OCIAD1: variants seen among roughly 807,000 people sequenced by gnomAD.
OCIAD1 encodes OCIA domain containing 1.
A neutral mutation model predicts 38.9 loss-of-function variants in OCIAD1; 29 were observed. That is an observed-to-expected ratio of 0.74 (90% CI 0.55 to 1.02). OCIAD1 has a LOEUF of 1.02. Among genes scored for constraint, OCIAD1 ranks in the 50% least tolerant of loss-of-function variants. The pLI is 0.00. For synonymous variants in OCIAD1, 110 were observed against 92.0 expected (o/e 1.20, Z -1.12); for missense variants, 288 against 289.6 (o/e 0.99, Z 0.04).
chr4:48,844,495 A>G (rs1778810652), intron 4 of OCIAD1, among the ~76,000 whole-genome samples: 4 of 152,148 alleles, frequency 2.6e-5, no homozygotes, highest in Admixed American at 1.3e-4. Flanking sequence ...GCGTGCCTGT[A>G]GTCCCAGCTA....
At chr4:48,834,057 G>C (rs1337962105) in intron 3 of OCIAD1, among the ~76,000 whole-genome samples, 1 of 152,072 alleles carries the variant, frequency 6.6e-6, no homozygotes, top group Non-Finnish European at 1.5e-5. Flanking sequence ...TAAATACAGA[G>C]ATTGTTGGAA....
rs377667512 is a variant in OCIAD1 at position 48,851,840 on chromosome 4, G to T, written c.412G>T (p.Val138Leu). Residue 138 changes from valine (V) to leucine (L), a missense_variant, in exon 7 of 9, where the codon GTG (valine) becomes TTG (leucine). By Grantham distance (32) the Val-to-Leu change is conservative (BLOSUM62 1). Transcript: ENST00000264312. ...TCAAAAGTCAAAATATGACTCAAGT[G>T]TGAGTGGTCAATCATCTTTTGTGAC... ...YYQKSKYDSSVSGQSSFVTSP... is the reference protein window; with the variant it reads ...YYQKSKYDSSLSGQSSFVTSP... 1 of 1,612,890 alleles carries T rather than the reference G, an allele frequency of 6.2e-7. No homozygotes were observed. The highest frequency in any genetic ancestry group is 1.3e-5 in the African/African-American group (1 of 74,880).
rs576081813 is a variant in OCIAD1 at position 48,819,716 on chromosome 4, C to CAAAAAAAAAAAAAAAAAAAAAAA, written c.-102-10855_-102-10833dup. Among the ~76,000 whole-genome samples the CAAAAAAAAAAAAAAAAAAAAAAA allele has an allele frequency of 1.9e-4, 2 of 10,446 alleles. 1 individual carries two copies. Among genetic ancestry groups the CAAAAAAAAAAAAAAAAAAAAAAA allele is most frequent in the East Asian group, 5.0e-3 (2 of 402 alleles). The allele number at this position is 10,446 out of a possible 152,430, so 6.9% of individuals were successfully genotyped here. A position where few individuals can be genotyped will look rare whatever the true frequency, so the allele number is the denominator to read the frequency against. On this transcript the variant is annotated intron_variant, in intron 1 of 6. Transcript: ENST00000504654. ...GAGACGGAGGAATATTTACCAAGCG[C>CAAAAAAAAAAAAAAAAAAAAAAA]AAAAAAAAAAAAAAAAAAAAAAAAA...
At chr4:48,854,541 C>G (rs999516333) in intron 7 of OCIAD1, among the ~76,000 whole-genome samples, 3 of 152,208 alleles carry the variant, frequency 2.0e-5, no homozygotes, top group African/African-American at 7.2e-5. Flanking sequence ...CCACCATTTG[C>G]ATTAGGAAAT....
chr4:48,822,152 A>T (rs150307337), intron 1 of OCIAD1, among the ~76,000 whole-genome samples: 3,243 of 152,340 alleles, frequency 0.021, 39 homozygotes, highest in Middle Eastern at 0.037. Context: ...CTATACTACA[A>T]GGCTACAGTA....
At chr4:48,826,064 C>G (rs1324565411) in intron 1 of OCIAD1, among the ~76,000 whole-genome samples, 1 of 152,102 alleles carries the variant, frequency 6.6e-6, no homozygotes, top group Non-Finnish European at 1.5e-5. Flanking sequence ...TCTTGAACTC[C>G]TGACATCAAG....
intron 5 of OCIAD1, among the ~76,000 whole-genome samples, chr4:48,849,257 C>G: frequency 6.6e-6 from 1 of 151,790 alleles, no homozygotes; most frequent in Non-Finnish European, 1.5e-5. Context: ...AACAAACCTG[C>G]ACATTATGCA....
chr4:48,857,889 C>G (rs975731153), intron 8 of OCIAD1, among the ~76,000 whole-genome samples: 2 of 152,136 alleles, frequency 1.3e-5, no homozygotes, highest in African/African-American at 4.8e-5. Context: ...TGTGGTGTCT[C>G]ATGCCTGAAA....
intron 4 of OCIAD1, among the ~76,000 whole-genome samples, chr4:48,843,987 A>G (rs1021852651): frequency 1.4e-4 from 21 of 152,232 alleles, no homozygotes; most frequent in Non-Finnish European, 2.1e-4. Context: ...TAAGCTACTA[A>G]ATTGTATAGT....
intron 1 of OCIAD1, among the ~76,000 whole-genome samples, chr4:48,822,933 C>T (rs1777207886): frequency 6.6e-6 from 1 of 152,188 alleles, no homozygotes; most frequent in Non-Finnish European, 1.5e-5. Context: ...CGCTTTTACA[C>T]TGTTGGTGGG....
chr4:48,860,554 C>T (rs1780508485), intron 8 of OCIAD1, among the ~76,000 whole-genome samples, 171 bp from the exon 9 acceptor site: 2 of 152,072 alleles, frequency 1.3e-5, no homozygotes, highest in Non-Finnish European at 2.9e-5. Flanking sequence ...TTTGTCCAAC[C>T]CCAAGTTCAC....
chr4:48,857,508 C>A, intron 8 of OCIAD1, 143 bp downstream of exon 8: 1 of 461,180 alleles, frequency 2.2e-6, no homozygotes. Context: ...TAAAATAGTA[C>A]TTTACAGTTA....
chr4:48,855,795 AAC>A (rs1779979828), intron 7 of OCIAD1, among the ~76,000 whole-genome samples: 1 of 151,852 alleles, frequency 6.6e-6, no homozygotes, highest in Non-Finnish European at 1.5e-5. Context: ...CAGCCTGGGT[AAC>A]AGAGTGAGAC....
At chr4:48,841,750 T>C (rs1399665004) in intron 3 of OCIAD1, among the ~76,000 whole-genome samples, 2 of 152,194 alleles carry the variant, frequency 1.3e-5, no homozygotes, top group Admixed American at 6.6e-5. Context: ...TAAAAAATTC[T>C]GTTAGACAGT....
At chr4:48,809,755 C>G (rs1281510475) in intron 1 of OCIAD1, among the ~76,000 whole-genome samples, 1 of 152,108 alleles carries the variant, frequency 6.6e-6, no homozygotes, top group Non-Finnish European at 1.5e-5. Context: ...AGCACCCATT[C>G]CTTTGTTCTT....
In OCIAD1 at chr4:48,850,032, C is replaced by T. The variant is rs372331561; in HGVS notation, c.327C>T (p.Pro109=). 2.1e-4 allele frequency: 340 copies of T among 1,613,384 alleles called. No homozygotes were observed. Among genetic ancestry groups the T allele is most frequent in the South Asian group, 5.1e-4 (46 of 90,798 alleles). The stretch of plus-strand genomic sequence containing the variant: ...AATTCAAGAAACTTGAAAATTCCCC[C>T]CTTGGAGAAGCTTTACGATCAGGAC... The part of the protein sequence containing the change: ...QEKFKKLENS[P]LGEALRSGQA... Residue 109 remains proline, a synonymous_variant, in exon 6 of 9, where the codon CCC becomes CCT. Coordinates refer to ENST00000264312, the MANE Select transcript of OCIAD1 (RefSeq NM_017830.4).
chr4:48,849,942 A>G lies in OCIAD1; in HGVS notation c.242-5A>G, dbSNP rs1779282423. 1.9e-6 allele frequency: 3 copies of G among 1,593,616 alleles called. No individual in the cohort carries two copies. Among genetic ancestry groups the G allele is most frequent in the African/African-American group, 1.4e-5 (1 of 73,428 alleles). On this transcript the variant is annotated splice_region_variant and splice_polypyrimidine_tract_variant and intron_variant, in intron 5 of 8. Coordinates refer to ENST00000264312, the MANE Select transcript of OCIAD1 (RefSeq NM_017830.4). ...TTACACTTTTTGTTTGATTTTACAA[A>G]TAAGTTGCTTGTATCATGGGATACT... is the stretch of plus-strand genomic sequence containing the variant.
At chr4:48,815,966 A>T (rs1217074149) in intron 1 of OCIAD1, among the ~76,000 whole-genome samples, 1 of 151,878 alleles carries the variant, frequency 6.6e-6, no homozygotes, top group Non-Finnish European at 1.5e-5. Context: ...TCCCTATCTG[A>T]TTGTTTTCTT....
intron 4 of OCIAD1, among the ~76,000 whole-genome samples, chr4:48,845,254 C>A (rs938007785): frequency 1.3e-5 from 2 of 152,262 alleles, no homozygotes; most frequent in Middle Eastern, 3.4e-3. Flanking sequence ...CTTTTTACTT[C>A]GTTTAACCCA....
Sources: gnomAD v4.1 joint callset for allele counts (sites outside exome capture counted in the v4.1 genomes callset) on GRCh38, gnomAD v4.1.1 for gene constraint, MANE v1.5 for transcripts, NCBI Gene and HGNC (gene_info 2026-07-23, HGNC 2026-07-21) for gene names.